The following ETV6 variants were observed in gnomAD, a reference collection of about 807,000 sequenced individuals.
ETV6 encodes transcription factor ETV6.
In ETV6, 16 loss-of-function variants were observed where a neutral mutation model predicts 51.1. The observed-to-expected ratio is 0.31, with a 90% CI of 0.21 to 0.48. The LOEUF is 0.48. Ranked by LOEUF, ETV6 falls within the 20% of genes least tolerant of loss-of-function variation. ETV6 has a pLI of 0.99. For missense variants in ETV6, 458 were observed against 594.8 expected, an observed-to-expected ratio of 0.77 and a Z score of 2.39; for synonymous variants, 240 against 224.1, an observed-to-expected ratio of 1.07 and a Z score of -0.64.
intron 2 of ETV6, among the ~76,000 whole-genome samples, chr12:11,826,004 AT>A (rs554422722): frequency 2.0e-5 from 3 of 151,714 alleles, no homozygotes; most frequent in Admixed American, 2.0e-4. Context: ...TGGCTAATTT[AT>A]TTTGTTTTTC....
chr12:11,761,441 A>G (rs1945084795), intron 2 of ETV6, among the ~76,000 whole-genome samples: 1 of 152,180 alleles, frequency 6.6e-6, no homozygotes, highest in African/African-American at 2.4e-5. Context: ...TTCCTTGTCT[A>G]TTATTTTCCA....
chr12:11,865,764 A>G (rs1429807728), intron 4 of ETV6, among the ~76,000 whole-genome samples: 1 of 150,448 alleles, frequency 6.6e-6, no homozygotes, highest in East Asian at 1.9e-4. Context: ...CTCCCCCTGT[A>G]CATAGTTTCT....
At chr12:11,675,363 T>C (rs1331679968) in intron 1 of ETV6, among the ~76,000 whole-genome samples, 1 of 152,258 alleles carries the variant, frequency 6.6e-6, no homozygotes, top group Admixed American at 6.5e-5. Flanking sequence ...TTTTAAAGTA[T>C]TACCTATCAC....
intron 1 of ETV6, among the ~76,000 whole-genome samples, chr12:11,738,899 G>T (rs1048304656): frequency 3.3e-5 from 5 of 152,064 alleles, no homozygotes; most frequent in African/African-American, 4.8e-5. Flanking sequence ...GCTGCGCAAC[G>T]TTTTTTAGGT....
chr12:11,717,773 G>A (rs1007076868), intron 1 of ETV6, among the ~76,000 whole-genome samples: 13 of 152,080 alleles, frequency 8.5e-5, no homozygotes, highest in African/African-American at 2.9e-4. Flanking sequence ...GATGATCATC[G>A]AGAACTTTGT....
intron 3 of ETV6, among the ~76,000 whole-genome samples, chr12:11,846,951 C>G (rs1946475074): frequency 6.6e-6 from 1 of 152,196 alleles, no homozygotes; most frequent in Non-Finnish European, 1.5e-5. Flanking sequence ...TGGCTCACTG[C>G]AAGGTCCACC....
chr12:11,721,874 G>A (rs887161741), intron 1 of ETV6, among the ~76,000 whole-genome samples: 13 of 152,330 alleles, frequency 8.5e-5, no homozygotes, highest in African/African-American at 2.9e-4. Flanking sequence ...TTAGGTCATA[G>A]AAAGTTTGAA....
chr12:11,752,723 C>G (rs1406841421), intron 2 of ETV6, 144 bp downstream of exon 2: 2 of 1,065,872 alleles, frequency 1.9e-6, no homozygotes, highest in Middle Eastern at 3.2e-4. Flanking sequence ...TTTCACACCC[C>G]CCTACCCCCA....
intron 1 of ETV6, among the ~76,000 whole-genome samples, chr12:11,739,927 C>T (rs1477285349): frequency 6.6e-6 from 1 of 152,148 alleles, no homozygotes; most frequent in Admixed American, 6.5e-5. Flanking sequence ...AAGTTAGAGT[C>T]ATAATTTTTC....
intron 4 of ETV6, among the ~76,000 whole-genome samples, chr12:11,856,192 C>T (rs1946631047): frequency 6.6e-6 from 1 of 152,158 alleles, no homozygotes; most frequent in African/African-American, 2.4e-5. Flanking sequence ...CTGGCTTACT[C>T]TGAGAGCTGC....
chr12:11,882,805 C>T (rs1947119694), intron 5 of ETV6, among the ~76,000 whole-genome samples: 1 of 152,198 alleles, frequency 6.6e-6, no homozygotes, highest in Admixed American at 6.5e-5. Flanking sequence ...GTATGTTTCT[C>T]TGCAATGCGG....
chr12:11,688,779 G>T (rs779358615), intron 1 of ETV6, among the ~76,000 whole-genome samples: 1 of 152,150 alleles, frequency 6.6e-6, no homozygotes, highest in Non-Finnish European at 1.5e-5. Flanking sequence ...TCTGGCTCTG[G>T]GTCCCAGGGG....
intron 2 of ETV6, among the ~76,000 whole-genome samples, chr12:11,758,959 G>A (rs984038090): frequency 3.9e-5 from 6 of 152,142 alleles, no homozygotes; most frequent in Admixed American, 2.0e-4. Context: ...ACATGTGGCT[G>A]TACGAGGGCC....
At chr12:11,810,003 G>T (rs1160658861) in intron 2 of ETV6, among the ~76,000 whole-genome samples, 7 of 151,646 alleles carry the variant, frequency 4.6e-5, no homozygotes, top group African/African-American at 1.7e-4. Flanking sequence ...GTATTTTTAG[G>T]AGAGACAGGG....
At chr12:11,703,098 C>A (rs1336202159) in intron 1 of ETV6, among the ~76,000 whole-genome samples, 1 of 152,150 alleles carries the variant, frequency 6.6e-6, no homozygotes, top group Non-Finnish European at 1.5e-5. Context: ...CAGAGTGAGA[C>A]CTCCTCTGGA....
intron 1 of ETV6, among the ~76,000 whole-genome samples, chr12:11,661,089 A>G (rs1864093824): frequency 1.3e-5 from 2 of 152,170 alleles, no homozygotes; most frequent in Admixed American, 1.3e-4. Context: ...TCCTGGGCTC[A>G]AGTGATCCTC....
rs551544345 is a variant in ETV6 at position 11,670,218 on chromosome 12, G to T, written c.33+20058G>T. On this transcript the variant is annotated intron_variant, in intron 1 of 7. Coordinates refer to ENST00000396373, the MANE Select transcript of ETV6 (RefSeq NM_001987.5). ...ATCAAGCACGCCTTTCAGGAAGAAGGGAAAAACAGTAGATTTTGGGCAGCT... is the reference window on the plus strand; with the variant it reads ...ATCAAGCACGCCTTTCAGGAAGAAGTGAAAAACAGTAGATTTTGGGCAGCT... Among the ~76,000 whole-genome samples, 97 of 152,206 alleles carry T rather than the reference G, an allele frequency of 6.4e-4. 2 individuals are homozygous for T. The South Asian group carries it at 0.019, about 30-fold the overall frequency.
chr12:11,864,564 T>G (rs1946765498), intron 4 of ETV6, among the ~76,000 whole-genome samples: 1 of 152,196 alleles, frequency 6.6e-6, no homozygotes, highest in Non-Finnish European at 1.5e-5. Flanking sequence ...GGACAAAAGA[T>G]AAATACATTT....
chr12:11,849,153 C>T (rs1946509357), intron 3 of ETV6, among the ~76,000 whole-genome samples: 1 of 152,178 alleles, frequency 6.6e-6, no homozygotes, highest in Non-Finnish European at 1.5e-5. Context: ...CACTCTCATG[C>T]AGGCTGGAGT....
Sources: gnomAD v4.1 joint callset for allele counts (sites outside exome capture counted in the v4.1 genomes callset) on GRCh38, gnomAD v4.1.1 for gene constraint, MANE v1.5 for transcripts, NCBI Gene and HGNC (gene_info 2026-07-23, HGNC 2026-07-21) for gene names.